Variants in PPP2R2B observed in about 807,000 individuals in gnomAD.
PPP2R2B encodes protein phosphatase 2 regulatory subunit Bbeta.
Under a neutral mutation model 46.0 loss-of-function variants are expected in PPP2R2B, and 5 were observed. The observed-to-expected ratio is 0.11, with a 90% confidence interval of 0.06 to 0.23. The LOEUF (loss-of-function observed/expected upper bound fraction) is 0.23, where lower values mean the gene tolerates loss of function less well. PPP2R2B is among the 10% of genes least tolerant of loss of function. The pLI is 1.00. For synonymous variants in PPP2R2B, 215 were observed against 206.7 expected, an observed-to-expected ratio of 1.04 and a Z score of -0.34; for missense variants, 367 against 575.0, an observed-to-expected ratio of 0.64 and a Z score of 3.70.
At chr5:146,746,940 G>A (rs1031840000) in intron 2 of PPP2R2B, among the ~76,000 whole-genome samples, 2 of 152,076 alleles carry the variant, frequency 1.3e-5, no homozygotes, top group African/African-American at 4.8e-5. Flanking sequence ...ATTTTCATTC[G>A]GGTCTCTTGG....
chr5:146,849,115 C>T (rs116083419), intron 2 of PPP2R2B, among the ~76,000 whole-genome samples: 47 of 152,200 alleles, frequency 3.1e-4, no homozygotes, highest in African/African-American at 1.1e-3. Flanking sequence ...CTAGTAGCAT[C>T]AGACATTTCT....
At chr5:146,842,249 T>A (rs552466694) in intron 2 of PPP2R2B, among the ~76,000 whole-genome samples, 1 of 152,294 alleles carries the variant, frequency 6.6e-6, no homozygotes, top group South Asian at 2.1e-4. Context: ...CAAAATTATA[T>A]GGCCTGCTGT....
At chr5:146,850,668 C>A (rs1760290949) in intron 2 of PPP2R2B, among the ~76,000 whole-genome samples, 1 of 152,172 alleles carries the variant, frequency 6.6e-6, no homozygotes, top group Non-Finnish European at 1.5e-5. Flanking sequence ...GGGAAGCCTT[C>A]CCTGTCTAGG....
chr5:146,994,698 C>T (rs1184100902), intron 1 of PPP2R2B, among the ~76,000 whole-genome samples: 1 of 152,062 alleles, frequency 6.6e-6, no homozygotes, highest in South Asian at 2.1e-4. Context: ...CCGCTCTGCC[C>T]AACACTTCAG....
intron 2 of PPP2R2B, among the ~76,000 whole-genome samples, chr5:146,848,077 C>A (rs918433915): frequency 1.3e-5 from 2 of 152,198 alleles, no homozygotes; most frequent in African/African-American, 4.8e-5. Flanking sequence ...ATTTTACCTG[C>A]GTTACAGTCG....
chr5:146,764,996 A>C (rs1035297324), intron 2 of PPP2R2B, among the ~76,000 whole-genome samples: 1 of 152,190 alleles, frequency 6.6e-6, no homozygotes, highest in Non-Finnish European at 1.5e-5. Flanking sequence ...TAAGGCCAAT[A>C]ATTAAACTCT....
intron 1 of PPP2R2B, among the ~76,000 whole-genome samples, chr5:146,933,392 C>T (rs949329117): frequency 6.6e-6 from 1 of 151,970 alleles, no homozygotes; most frequent in African/African-American, 2.4e-5. Context: ...TTAATTATTT[C>T]TTTAAAAAAT....
intron 1 of PPP2R2B, among the ~76,000 whole-genome samples, chr5:146,911,617 C>T (rs1021025390): frequency 2.0e-5 from 3 of 152,152 alleles, no homozygotes; most frequent in South Asian, 2.1e-4. Context: ...TAGCCAGGGA[C>T]GAGGAAGACA....
intron 4 of PPP2R2B, among the ~76,000 whole-genome samples, chr5:146,693,638 A>G (rs1441392004): frequency 2.0e-5 from 3 of 152,236 alleles, no homozygotes; most frequent in Non-Finnish European, 4.4e-5. Flanking sequence ...TATATCCCAT[A>G]TAGTTCAATC....
At chr5:147,067,364 T>C (rs533486975) in intron 2 of PPP2R2B, among the ~76,000 whole-genome samples, 26 of 152,280 alleles carry the variant, frequency 1.7e-4, no homozygotes, top group African/African-American at 6.3e-4. Flanking sequence ...TCTGGTTCTA[T>C]GTGCTTGACT....
At chr5:147,070,975 C>A (rs543611720) in intron 2 of PPP2R2B, among the ~76,000 whole-genome samples, 1 of 151,724 alleles carries the variant, frequency 6.6e-6, no homozygotes. Context: ...GGCGACAGAG[C>A]GAGACTCCGT....
At chr5:146,907,451 C>A (rs1292508433) in intron 1 of PPP2R2B, among the ~76,000 whole-genome samples, 4 of 149,324 alleles carry the variant, frequency 2.7e-5, no homozygotes, top group Non-Finnish European at 5.9e-5. Flanking sequence ...ATTTCATGTA[C>A]CCAGGAGCCA....
intron 2 of PPP2R2B, among the ~76,000 whole-genome samples, chr5:146,715,210 G>C (rs945655916): frequency 6.6e-6 from 1 of 152,160 alleles, no homozygotes; most frequent in Admixed American, 6.5e-5. Context: ...AACTTTCCAA[G>C]TGATTTGTAG....
At chr5:146,994,851 C>G (rs1561563553) in intron 1 of PPP2R2B, among the ~76,000 whole-genome samples, 1 of 152,168 alleles carries the variant, frequency 6.6e-6, no homozygotes, top group Non-Finnish European at 1.5e-5. Context: ...AGACATAGTT[C>G]TTGCTCTTAT....
intron 7 of PPP2R2B, among the ~76,000 whole-genome samples, chr5:146,627,143 T>G (rs1417987024): frequency 6.6e-6 from 1 of 151,958 alleles, no homozygotes; most frequent in African/African-American, 2.4e-5. Flanking sequence ...TTCTCCAGAG[T>G]GGGAAGTGTG....
rs910622843 is a variant in PPP2R2B at position 147,016,128 on chromosome 5, G to A, written c.79+39537C>T. ...AGGCAGGTACATTGCTTGGTCCCAG[G>A]AGTTCGAGACCAGCCTGGGAAACAT... On this transcript the variant is annotated intron_variant, in intron 1 of 8. Coordinates refer to the PPP2R2B transcript ENST00000336640. Among the ~76,000 whole-genome samples, 5 of 151,488 alleles carry A rather than the reference G, an allele frequency of 3.3e-5. No individual in the cohort carries two copies. The Admixed American group carries it at 3.3e-4, about 10-fold the overall frequency.
intron 8 of PPP2R2B, among the ~76,000 whole-genome samples, chr5:146,598,115 C>T (rs139073299): frequency 1.4e-3 from 208 of 152,318 alleles, no homozygotes; most frequent in Middle Eastern, 3.4e-3. Flanking sequence ...TCATAATGTT[C>T]CCATCTTCAG....
At chr5:146,807,956 C>T (rs550697607) in intron 2 of PPP2R2B, among the ~76,000 whole-genome samples, 25 of 151,740 alleles carry the variant, frequency 1.6e-4, no homozygotes, top group South Asian at 4.2e-4. Context: ...CCTACCACCA[C>T]GCCCAGCTAA....
At chr5:146,657,449 G>C (rs1325968946) in intron 5 of PPP2R2B, among the ~76,000 whole-genome samples, 3 of 152,132 alleles carry the variant, frequency 2.0e-5, no homozygotes, top group Non-Finnish European at 4.4e-5. Flanking sequence ...GTAACTCTAG[G>C]TCAAATCTCA....
Sources: gnomAD v4.1 joint callset for allele counts (sites outside exome capture counted in the v4.1 genomes callset) on GRCh38, gnomAD v4.1.1 for gene constraint, MANE v1.5 for transcripts, NCBI Gene and HGNC (gene_info 2026-07-23, HGNC 2026-07-21) for gene names.